NEGR1: variants seen among roughly 807,000 people sequenced by gnomAD.
The protein encoded by NEGR1 is IgLON family member 4.
NEGR1 carries 10 observed loss-of-function variants against 40.9 expected under a neutral mutation model. The observed-to-expected ratio is 0.24, with a 90% CI of 0.15 to 0.42. The LOEUF (loss-of-function observed/expected upper bound fraction) is 0.42, where lower values mean the gene tolerates loss of function less well. Among genes scored for constraint, NEGR1 ranks in the 10% least tolerant of loss-of-function variants. The probability of loss-of-function intolerance (pLI) is 1.00; values close to 1 mark genes in which losing one functional copy is unlikely to be tolerated. For missense variants in NEGR1, 352 were observed against 438.9 expected (o/e 0.80, Z 1.77); for synonymous variants, 185 against 166.8 (o/e 1.11, Z -0.84).
chr1:72,072,708 G>A (rs1354343675), intron 1 of NEGR1, among the ~76,000 whole-genome samples: 2 of 151,736 alleles, frequency 1.3e-5, no homozygotes, highest in Non-Finnish European at 2.9e-5. Context: ...CTTCTGGCTA[G>A]CAAAGGCATC....
chr1:71,430,746 AC>A (rs1646460948), intron 6 of NEGR1, among the ~76,000 whole-genome samples: 1 of 111,588 alleles, frequency 9.0e-6, no homozygotes. Flanking sequence ...TCGCTCTGTC[AC>A]CCAGGCTGGA....
intron 4 of NEGR1, among the ~76,000 whole-genome samples, chr1:71,675,057 GTATGTGATCTATA>G (rs1258967508): frequency 2.0e-4 from 26 of 130,444 alleles, no homozygotes; most frequent in African/African-American, 5.9e-4. Context: ...TGATACATAC[GTATGTGATCTATA>G]TATGTGATCT....
intron 2 of NEGR1, among the ~76,000 whole-genome samples, chr1:71,928,851 A>G (rs1033702938): frequency 6.6e-6 from 1 of 152,098 alleles, no homozygotes; most frequent in Non-Finnish European, 1.5e-5. Context: ...CCCTGTGATC[A>G]GTAGTCAGGT....
intron 1 of NEGR1, among the ~76,000 whole-genome samples, chr1:72,174,082 T>A (rs1482907033): frequency 2.6e-5 from 4 of 152,136 alleles, no homozygotes; most frequent in Non-Finnish European, 5.9e-5. Context: ...CCCAATCGTT[T>A]GTTTTTTTTA....
chr1:71,715,047 A>G (rs1469008094), intron 3 of NEGR1, among the ~76,000 whole-genome samples: 2 of 152,156 alleles, frequency 1.3e-5, no homozygotes, highest in Non-Finnish European at 2.9e-5. Flanking sequence ...GGGTTTCCAT[A>G]TATCCTCTGA....
chr1:72,019,668 C>A (rs544575494), intron 1 of NEGR1, among the ~76,000 whole-genome samples: 3 of 152,280 alleles, frequency 2.0e-5, no homozygotes, highest in Non-Finnish European at 2.9e-5. Flanking sequence ...TTTATAAAAG[C>A]TGAATAATGG....
At chr1:71,447,813 A>G (rs1646593249) in intron 6 of NEGR1, among the ~76,000 whole-genome samples, 2 of 152,198 alleles carry the variant, frequency 1.3e-5, no homozygotes, top group South Asian at 2.1e-4. Flanking sequence ...GCATAATTTT[A>G]TTGAGTGAAT....
At chr1:71,651,641 T>G (rs185451079) in intron 4 of NEGR1, among the ~76,000 whole-genome samples, 198 of 152,290 alleles carry the variant, frequency 1.3e-3, no homozygotes, top group Middle Eastern at 6.8e-3. Flanking sequence ...CAATCATATG[T>G]GACTTCAGTA....
chr1:71,648,044 T>C (rs1253155767), intron 4 of NEGR1, among the ~76,000 whole-genome samples: 1 of 152,014 alleles, frequency 6.6e-6, no homozygotes, highest in African/African-American at 2.4e-5. Context: ...TAATATTTAA[T>C]ATATCCTACT....
intron 1 of NEGR1, among the ~76,000 whole-genome samples, chr1:72,242,656 T>TG (rs1654783777): frequency 6.6e-6 from 1 of 151,674 alleles, no homozygotes; most frequent in Non-Finnish European, 1.5e-5. Context: ...ATTGCTAACA[T>TG]TTATCAGGCA....
intron 4 of NEGR1, among the ~76,000 whole-genome samples, chr1:71,662,406 T>G (rs1231747550): frequency 1.3e-5 from 2 of 152,184 alleles, no homozygotes; most frequent in Non-Finnish European, 2.9e-5. Flanking sequence ...AAAGCAGCTA[T>G]TGAGAATAGC....
intron 1 of NEGR1, among the ~76,000 whole-genome samples, chr1:72,224,713 A>G (rs1654120197): frequency 6.6e-6 from 1 of 151,986 alleles, no homozygotes; most frequent in Non-Finnish European, 1.5e-5. Flanking sequence ...TCATGTTATT[A>G]GCCACAAAAC....
intron 6 of NEGR1, among the ~76,000 whole-genome samples, chr1:71,575,356 C>G (rs1648929856): frequency 6.6e-6 from 1 of 152,204 alleles, no homozygotes; most frequent in Non-Finnish European, 1.5e-5. Flanking sequence ...ACAGACAAGA[C>G]TAAGGGTATT....
chr1:72,092,932 G>T (rs139933558), intron 1 of NEGR1, among the ~76,000 whole-genome samples: 1 of 152,080 alleles, frequency 6.6e-6, no homozygotes, highest in African/African-American at 2.4e-5. Context: ...GATTAGAAGC[G>T]TGAGCCACTG....
At chr1:71,455,264 G>C (rs968621047) in intron 6 of NEGR1, among the ~76,000 whole-genome samples, 2 of 151,972 alleles carry the variant, frequency 1.3e-5, no homozygotes, top group Non-Finnish European at 1.5e-5. Flanking sequence ...TATATTATTC[G>C]GTACATAATA....
At chr1:71,493,702 T>C (rs1201222672) in intron 6 of NEGR1, among the ~76,000 whole-genome samples, 1 of 152,162 alleles carries the variant, frequency 6.6e-6, no homozygotes, top group African/African-American at 2.4e-5. Flanking sequence ...ACTTCACAAT[T>C]TCCTTACACA....
intron 3 of NEGR1, among the ~76,000 whole-genome samples, chr1:71,738,638 T>C (rs899719835): frequency 6.6e-6 from 1 of 152,086 alleles, no homozygotes; most frequent in African/African-American, 2.4e-5. Context: ...CTGTCTGGTG[T>C]AGAGTTTTCT....
intron 1 of NEGR1, among the ~76,000 whole-genome samples, chr1:72,224,400 T>A (rs926515073): frequency 1.9e-4 from 29 of 152,010 alleles, no homozygotes; most frequent in Admixed American, 5.9e-4. Context: ...AAAATGGGGT[T>A]AGGAAAATTC....
chr1:71,915,862 C>A (rs779574438), intron 2 of NEGR1, among the ~76,000 whole-genome samples: 3 of 152,096 alleles, frequency 2.0e-5, no homozygotes, highest in African/African-American at 2.4e-5. Flanking sequence ...TGTGGTTTAC[C>A]TTTGAGCGAG....
Sources: allele counts gnomAD v4.1 joint callset (sites outside exome capture counted in the v4.1 genomes callset), GRCh38; gene constraint gnomAD v4.1.1; transcripts MANE v1.5; gene names NCBI Gene and HGNC (gene_info 2026-07-23, HGNC 2026-07-21).